Variants in AGBL4 observed in about 807,000 individuals in gnomAD.
AGBL4 encodes cytosolic carboxypeptidase 6.
In AGBL4, 58 loss-of-function variants were observed where a neutral mutation model predicts 66.4. That is an observed-to-expected ratio of 0.87 (90% confidence interval 0.71 to 1.09). AGBL4 has a LOEUF of 1.09. AGBL4 is among the 50% of genes least tolerant of loss of function. AGBL4 has a pLI of 0.00. For synonymous variants in AGBL4, 234 were observed against 222.9 expected (o/e 1.05, Z -0.44); for missense variants, 579 against 631.0 (o/e 0.92, Z 0.88).
chr1:49,498,236 C>A (rs904257915), intron 3 of AGBL4, among the ~76,000 whole-genome samples: 1 of 151,878 alleles, frequency 6.6e-6, no homozygotes, highest in Non-Finnish European at 1.5e-5. Context: ...TGCAACTCTA[C>A]TGAATTTGTT....
intron 3 of AGBL4, among the ~76,000 whole-genome samples, chr1:49,455,524 A>G (rs928542492): frequency 6.6e-6 from 1 of 151,752 alleles, no homozygotes; most frequent in South Asian, 2.1e-4. Context: ...CAAACTGAAC[A>G]ATTTCCTTAC....
intron 3 of AGBL4, among the ~76,000 whole-genome samples, chr1:49,307,397 G>A (rs761826037): frequency 2.6e-5 from 4 of 152,062 alleles, no homozygotes; most frequent in Non-Finnish European, 5.9e-5. Context: ...AAGAGATCTG[G>A]GCCAGAATTC....
At position 49,675,901 on chromosome 1, in the gene AGBL4, T is replaced by A. The variant is rs567080659; in HGVS notation, c.282+21412A>T. On this transcript the variant is annotated intron_variant, in intron 3 of 13. Transcript: ENST00000371839. ...GGCAGTGATTTGCACAAAGTTCTAC[T>A]GCAAATTAGTGACAGAGGTAGCTAA... 5.3e-5 allele frequency among the ~76,000 whole-genome samples: 8 copies of A among 152,226 alleles called. No homozygotes were observed. The South Asian group carries it at 1.7e-3, about 32-fold the overall frequency.
intron 1 of AGBL4, among the ~76,000 whole-genome samples, chr1:49,987,149 T>A (rs528070450): frequency 4.6e-5 from 7 of 152,224 alleles, no homozygotes; most frequent in Admixed American, 4.6e-4. Context: ...CAACTATATT[T>A]AATGCTTTGC....
chr1:49,392,613 T>C (rs746359087), intron 3 of AGBL4, among the ~76,000 whole-genome samples: 3 of 152,100 alleles, frequency 2.0e-5, no homozygotes, highest in Non-Finnish European at 2.9e-5. Flanking sequence ...GAGAACTCAA[T>C]AGCCACACAT....
At chr1:49,071,176 T>C (rs1367020709) in intron 4 of AGBL4, among the ~76,000 whole-genome samples, 1 of 151,826 alleles carries the variant, frequency 6.6e-6, no homozygotes, top group African/African-American at 2.4e-5. Flanking sequence ...CTATTTTGTT[T>C]ATCTTTTCAA....
chr1:49,009,790 T>A (rs1222459726), intron 5 of AGBL4, among the ~76,000 whole-genome samples: 2 of 152,002 alleles, frequency 1.3e-5, no homozygotes, highest in East Asian at 3.9e-4. Context: ...CATGATTATC[T>A]CAATAGATGC....
chr1:49,657,760 G>A (rs1290378342), intron 3 of AGBL4, among the ~76,000 whole-genome samples: 2 of 152,152 alleles, frequency 1.3e-5, no homozygotes, highest in Admixed American at 1.3e-4. Context: ...AATGGGGAAA[G>A]GATTCCCTAT....
chr1:49,846,127 C>A, intron 2 of AGBL4: 2 of 1,481,474 alleles, frequency 1.4e-6, no homozygotes, highest in Non-Finnish European at 1.9e-6. Context: ...TCATCAAACA[C>A]CAGAGGATTC....
At position 49,050,465 on chromosome 1, in the gene AGBL4, G is replaced by T. The variant is rs565494538; in HGVS notation, c.378-4665C>A. On this transcript the variant is annotated intron_variant, in intron 4 of 13. Transcript: ENST00000371839. ...CTATACAAAGGCTTATAGATGAAGT[G>T]CCAAGAACACTTATGAATGGATAAA... Among the ~76,000 whole-genome samples, 191 of 152,178 alleles carry T rather than the reference G, an allele frequency of 1.3e-3. 7 individuals are homozygous for T. In the South Asian group the frequency reaches 0.038, roughly 31 times the overall value.
intron 3 of AGBL4, among the ~76,000 whole-genome samples, chr1:49,290,120 G>A (rs1213986666): frequency 6.6e-6 from 1 of 151,974 alleles, no homozygotes; most frequent in East Asian, 1.9e-4. Context: ...ACAATTTATT[G>A]AAATAAATTA....
chr1:49,085,319 C>A (rs1644886444), intron 4 of AGBL4, among the ~76,000 whole-genome samples: 1 of 151,482 alleles, frequency 6.6e-6, no homozygotes, highest in South Asian at 2.1e-4. Context: ...TCTCTTGCCC[C>A]AATTCTCAGG....
At chr1:48,616,253 T>G (rs1645316001) in intron 9 of AGBL4, among the ~76,000 whole-genome samples, 1 of 152,160 alleles carries the variant, frequency 6.6e-6, no homozygotes, top group Admixed American at 6.5e-5. Flanking sequence ...TCCAAGTGTT[T>G]CCTGTGCATT....
rs143384490 is a variant in AGBL4, at chr1:49,184,488, G to A, written c.377+61282C>T. Among the ~76,000 whole-genome samples the A allele has an allele frequency of 6.6e-5, 10 of 152,204 alleles. No homozygotes were observed. In the East Asian group the frequency reaches 1.2e-3, roughly 18 times the overall value. On this transcript the variant is annotated intron_variant, in intron 4 of 13. Transcript: ENST00000371839. ...CTGAGCATAAATGAGGAAAAGTACC[G>A]TCAACAGATGCAATCTGTGTTTGCA...
At chr1:48,904,782 A>T (rs1652424360) in intron 5 of AGBL4, among the ~76,000 whole-genome samples, 1 of 152,226 alleles carries the variant, frequency 6.6e-6, no homozygotes, top group East Asian at 1.9e-4. Flanking sequence ...AAGATCTAAG[A>T]CCAATTTTGA....
chr1:48,604,522 TA>T (rs1645126718), intron 9 of AGBL4, among the ~76,000 whole-genome samples: 1 of 152,160 alleles, frequency 6.6e-6, no homozygotes, highest in Non-Finnish European at 1.5e-5. Flanking sequence ...TAATATAAAT[TA>T]AGCATAAGTG....
intron 2 of AGBL4, among the ~76,000 whole-genome samples, chr1:49,816,308 T>G (rs958238287): frequency 2.6e-5 from 4 of 152,184 alleles, no homozygotes; most frequent in Admixed American, 2.6e-4. Flanking sequence ...CCCAGCAAGA[T>G]AGCCAGAAAG....
chr1:49,310,405 G>C (rs1443123673), intron 3 of AGBL4, among the ~76,000 whole-genome samples: 1 of 152,080 alleles, frequency 6.6e-6, no homozygotes, highest in Non-Finnish European at 1.5e-5. Context: ...GTAATCCAGT[G>C]ATGGTGGTTT....
intron 11 of AGBL4, among the ~76,000 whole-genome samples, chr1:48,548,944 C>G (rs561452242): frequency 1.1e-3 from 162 of 152,334 alleles, no homozygotes; most frequent in Admixed American, 3.3e-3. Context: ...GTGCCAGACA[C>G]TGTTCTAGGA....
Sources: gnomAD v4.1 joint callset for allele counts (sites outside exome capture counted in the v4.1 genomes callset) on GRCh38, gnomAD v4.1.1 for gene constraint, MANE v1.5 for transcripts, NCBI Gene and HGNC (gene_info 2026-07-23, HGNC 2026-07-21) for gene names.